The following PRIM2 variants were observed in gnomAD, a reference collection of about 807,000 sequenced individuals.
The protein encoded by PRIM2 is DNA primase subunit 2.
In PRIM2, 39 loss-of-function variants were observed where a neutral mutation model predicts 67.3. The ratio of observed to expected loss-of-function variants is 0.58; its 90% confidence interval spans 0.45 to 0.76. The LOEUF is 0.76. Ranked by LOEUF, PRIM2 falls within the 30% of genes least tolerant of loss-of-function variation. The probability of loss-of-function intolerance (pLI) is 0.00; values close to 1 mark genes in which losing one functional copy is unlikely to be tolerated. For missense variants in PRIM2, 398 were observed against 598.7 expected, an observed-to-expected ratio of 0.66 and a Z score of 3.50; for synonymous variants, 143 against 198.7, an observed-to-expected ratio of 0.72 and a Z score of 2.36.
At chr6:57,606,160 T>C (rs1252837594) in intron 11 of PRIM2, among the ~76,000 whole-genome samples, 99 of 152,368 alleles carry the variant, frequency 6.5e-4, no homozygotes, top group African/African-American at 2.3e-3. Flanking sequence ...CAATGTTTTA[T>C]GTAACTCTTG....
At chr6:57,471,156 A>G (rs1773328578) in intron 7 of PRIM2, among the ~76,000 whole-genome samples, 1 of 152,014 alleles carries the variant, frequency 6.6e-6, no homozygotes, top group Non-Finnish European at 1.5e-5. Flanking sequence ...GCCTTTCTCC[A>G]GGGACCATCT....
chr6:57,627,568 T>A (rs2127498545), intron 12 of PRIM2, among the ~76,000 whole-genome samples: 2 of 151,928 alleles, frequency 1.3e-5, no homozygotes, highest in African/African-American at 4.8e-5. Context: ...TTTGCATTTT[T>A]AGTAGACATG....
chr6:57,234,511 T>C, the PRIM2 span, among the ~76,000 whole-genome samples: 1 of 152,126 alleles, frequency 6.6e-6, no homozygotes, highest in Admixed American at 6.5e-5. Context: ...TCTGCTGTGT[T>C]TTATTTTTAT....
intron 10 of PRIM2, among the ~76,000 whole-genome samples, chr6:57,562,500 T>A (rs1775654631): frequency 6.6e-6 from 1 of 152,204 alleles, no homozygotes; most frequent in Non-Finnish European, 1.5e-5. Context: ...TAGATCTATA[T>A]GCCAATAACT....
At chr6:57,432,872 C>G (rs565655851) in intron 7 of PRIM2, among the ~76,000 whole-genome samples, 1 of 152,320 alleles carries the variant, frequency 6.6e-6, no homozygotes, top group Admixed American at 6.5e-5. Context: ...GCTAGTCTAA[C>G]TCCATATCAT....
At chr6:57,516,261 C>G (rs1434023377) in intron 8 of PRIM2, among the ~76,000 whole-genome samples, 2 of 152,194 alleles carry the variant, frequency 1.3e-5, no homozygotes, top group African/African-American at 2.4e-5. Flanking sequence ...TAACCTAACA[C>G]ATTCAGAGGA....
At chr6:57,477,393 A>T (rs1413614717) in intron 7 of PRIM2, among the ~76,000 whole-genome samples, 1 of 152,224 alleles carries the variant, frequency 6.6e-6, no homozygotes, top group Non-Finnish European at 1.5e-5. Flanking sequence ...GTATGTATTC[A>T]TTTAAAAGTA....
intron 7 of PRIM2, among the ~76,000 whole-genome samples, chr6:57,411,230 C>T (rs1217148711): frequency 1.3e-5 from 2 of 152,110 alleles, no homozygotes; most frequent in Non-Finnish European, 2.9e-5. Flanking sequence ...TCCCCAGATG[C>T]AGATGTCGCT....
At chr6:57,324,046 T>C (rs571424355) in intron 3 of PRIM2, 155 bp from the exon 4 acceptor site, 1 of 152,890 alleles carries the variant, frequency 6.5e-6, no homozygotes, top group Admixed American at 6.5e-5. Flanking sequence ...GATTGACCAC[T>C]ACTCTCCAGT....
At chr6:57,384,566 C>CT (rs1458142290) in intron 7 of PRIM2, among the ~76,000 whole-genome samples, 5 of 152,174 alleles carry the variant, frequency 3.3e-5, no homozygotes, top group African/African-American at 1.2e-4. Flanking sequence ...TATCACATGT[C>CT]TATCACTAAA....
the PRIM2 span, among the ~76,000 whole-genome samples, chr6:57,259,627 G>A: frequency 2.6e-5 from 4 of 152,186 alleles, no homozygotes; most frequent in Admixed American, 6.5e-5. Flanking sequence ...GCCCAACTGA[G>A]ATATACTTCA....
In PRIM2 at chr6:57,493,570, A is replaced by T. The variant is rs1554346157; in HGVS notation, c.694-13817A>T. On this transcript the variant is annotated intron_variant, in intron 7 of 13. Coordinates refer to ENST00000615550, the MANE Select transcript of PRIM2 (RefSeq NM_000947.5). ...GCACAAATAGCAGAACAGGAAAATCAAGCTTTACATTTGGTGCTCTGTGCT... is the reference window on the plus strand; with the variant it reads ...GCACAAATAGCAGAACAGGAAAATCTAGCTTTACATTTGGTGCTCTGTGCT... 1.2e-3 allele frequency among the ~76,000 whole-genome samples: 177 copies of T among 152,334 alleles called. 5 individuals carry two copies. In the East Asian group the frequency reaches 0.033, roughly 28 times the overall value.
intron 7 of PRIM2, among the ~76,000 whole-genome samples, chr6:57,448,214 G>C (rs1772426602): frequency 6.6e-6 from 1 of 152,262 alleles, no homozygotes. Flanking sequence ...AATCAAAATA[G>C]ATTAATTTAA....
At chr6:57,253,764 A>G in the PRIM2 span, among the ~76,000 whole-genome samples, 1 of 152,220 alleles carries the variant, frequency 6.6e-6, no homozygotes, top group Non-Finnish European at 1.5e-5. Context: ...AAGGCTTAGG[A>G]TAGGAGGAGA....
chr6:57,276,522 G>T, the PRIM2 span, among the ~76,000 whole-genome samples: 5 of 151,888 alleles, frequency 3.3e-5, no homozygotes, highest in African/African-American at 1.2e-4. Flanking sequence ...AAAAGGTAGT[G>T]GTTACTTTTA....
intron 10 of PRIM2, among the ~76,000 whole-genome samples, chr6:57,599,686 AC>A (rs1239280744): frequency 5.3e-5 from 8 of 152,196 alleles, no homozygotes; most frequent in African/African-American, 1.9e-4. Flanking sequence ...GGATCTTTGC[AC>A]CCACCTCAGT....
chr6:57,442,558 T>A (rs984662235), intron 7 of PRIM2, among the ~76,000 whole-genome samples: 13 of 152,136 alleles, frequency 8.5e-5, no homozygotes, highest in Non-Finnish European at 1.8e-4. Flanking sequence ...GCAAACTTGC[T>A]GCAGCACCAA....
intron 8 of PRIM2, among the ~76,000 whole-genome samples, chr6:57,516,324 A>G (rs2127462506): frequency 6.6e-6 from 1 of 152,302 alleles, no homozygotes; most frequent in African/African-American, 2.4e-5. Flanking sequence ...CTTATAGTGA[A>G]GGTTTTCTTT....
At chr6:57,520,454 C>A (rs1210278093) in intron 8 of PRIM2, among the ~76,000 whole-genome samples, 2 of 152,122 alleles carry the variant, frequency 1.3e-5, no homozygotes, top group African/African-American at 4.8e-5. Flanking sequence ...CCAAAACCAT[C>A]TGTATTTGGG....
Sources: allele counts gnomAD v4.1 joint callset (sites outside exome capture counted in the v4.1 genomes callset), GRCh38; gene constraint gnomAD v4.1.1; transcripts MANE v1.5; gene names NCBI Gene and HGNC (gene_info 2026-07-23, HGNC 2026-07-21).